TMEM117: variants seen among roughly 807,000 people sequenced by gnomAD.
TMEM117 encodes transmembrane protein 117.
A neutral mutation model predicts 52.4 loss-of-function variants in TMEM117; 27 were observed. The observed-to-expected ratio is 0.51, with a 90% CI of 0.38 to 0.71. TMEM117 has a LOEUF of 0.71. Among genes scored for constraint, TMEM117 ranks in the 30% least tolerant of loss-of-function variants. TMEM117 has a pLI of 0.00. For synonymous variants in TMEM117, 215 were observed against 206.3 expected (o/e 1.04, Z -0.36); for missense variants, 556 against 630.5 (o/e 0.88, Z 1.26).
chr12:44,371,190 TAGC>T (rs1276102280), intron 6 of TMEM117, among the ~76,000 whole-genome samples: 8 of 152,172 alleles, frequency 5.3e-5, no homozygotes, highest in African/African-American at 1.9e-4. Flanking sequence ...CTGCTAAGCA[TAGC>T]AAAGCTAAGG....
chr12:44,385,163 G>A (rs1446608177), intron 7 of TMEM117, among the ~76,000 whole-genome samples: 2 of 152,162 alleles, frequency 1.3e-5, no homozygotes, highest in Non-Finnish European at 2.9e-5. Flanking sequence ...TTTCCAGCCT[G>A]CAGCTTTGTT....
intron 5 of TMEM117, among the ~76,000 whole-genome samples, chr12:44,270,256 A>C (rs1376489413): frequency 2.0e-5 from 3 of 152,234 alleles, no homozygotes; most frequent in Admixed American, 2.0e-4. Context: ...CTCCTTACAC[A>C]GAAAGAGGTT....
At chr12:44,185,574 T>G (rs1250052040) in intron 4 of TMEM117, among the ~76,000 whole-genome samples, 1 of 152,186 alleles carries the variant, frequency 6.6e-6, no homozygotes, top group African/African-American at 2.4e-5. Flanking sequence ...TCTCATGAAC[T>G]CCTATTTATG....
intron 2 of TMEM117, among the ~76,000 whole-genome samples, chr12:43,886,957 C>T (rs1027999848): frequency 6.6e-6 from 1 of 152,196 alleles, no homozygotes; most frequent in African/African-American, 2.4e-5. Context: ...AAGCAATTCT[C>T]ATGCCTCAGC....
At chr12:44,236,174 A>G (rs1440024923) in intron 5 of TMEM117, among the ~76,000 whole-genome samples, 1 of 93,514 alleles carries the variant, frequency 1.1e-5, no homozygotes, top group African/African-American at 1.7e-4. Flanking sequence ...TTTCTAGCAT[A>G]TATATATATA....
intron 2 of TMEM117, among the ~76,000 whole-genome samples, chr12:43,858,816 G>C (rs1943441280): frequency 6.6e-6 from 1 of 152,100 alleles, no homozygotes; most frequent in Non-Finnish European, 1.5e-5. Context: ...TTTGAACTGT[G>C]CTGTTTTTCA....
the TMEM117 span, among the ~76,000 whole-genome samples, chr12:43,823,646 TGG>T: frequency 2.0e-5 from 3 of 152,106 alleles, no homozygotes; most frequent in Admixed American, 2.0e-4. Flanking sequence ...CCCAAGTAGC[TGG>T]GACTACAGGC....
intron 6 of TMEM117, among the ~76,000 whole-genome samples, chr12:44,303,026 A>G (rs180837682): frequency 5.1e-4 from 78 of 152,170 alleles, no homozygotes; most frequent in East Asian, 2.3e-3. Flanking sequence ...AATTCCACTT[A>G]TACTATAGAA....
chr12:44,388,002 T>C, intron 7 of TMEM117, 24 bp from the exon 8 acceptor site: 3 of 1,584,258 alleles, frequency 1.9e-6, no homozygotes, highest in Non-Finnish European at 2.6e-6. Flanking sequence ...CTTTGATTAA[T>C]GCAGTATTTC....
At chr12:43,862,993 C>A (rs1331206388) in intron 2 of TMEM117, among the ~76,000 whole-genome samples, 2 of 149,384 alleles carry the variant, frequency 1.3e-5, no homozygotes, top group Non-Finnish European at 3.0e-5. Flanking sequence ...AACAAAAAAA[C>A]CAAGAAAAAC....
At chr12:44,035,445 C>T (rs757596131) in intron 3 of TMEM117, among the ~76,000 whole-genome samples, 44 of 152,254 alleles carry the variant, frequency 2.9e-4, no homozygotes, top group Admixed American at 7.8e-4. Flanking sequence ...GCTCAAAAAA[C>T]GTATGTTCTA....
chr12:44,194,013 A>G (rs1211874915), intron 4 of TMEM117, among the ~76,000 whole-genome samples: 1 of 152,230 alleles, frequency 6.6e-6, no homozygotes, highest in Non-Finnish European at 1.5e-5. Context: ...TATTAGAATT[A>G]TCTATATAGA....
intron 6 of TMEM117, among the ~76,000 whole-genome samples, chr12:44,371,278 A>T (rs1951860543): frequency 6.6e-6 from 1 of 152,212 alleles, no homozygotes; most frequent in Non-Finnish European, 1.5e-5. Flanking sequence ...GTTATGAAAT[A>T]CGGGGCATAG....
At chr12:44,072,284 AT>A (rs1284577520) in intron 3 of TMEM117, among the ~76,000 whole-genome samples, 1 of 152,136 alleles carries the variant, frequency 6.6e-6, no homozygotes, top group Non-Finnish European at 1.5e-5. Context: ...TGGATCTGGA[AT>A]TTTTTTATTT....
intron 6 of TMEM117, among the ~76,000 whole-genome samples, chr12:44,335,266 T>G (rs1433872271): frequency 6.6e-6 from 1 of 152,064 alleles, no homozygotes; most frequent in Non-Finnish European, 1.5e-5. Context: ...GAGACATTAG[T>G]AGCTTTTAGC....
intron 3 of TMEM117, among the ~76,000 whole-genome samples, chr12:43,996,642 C>A (rs199594123): frequency 6.9e-6 from 1 of 145,210 alleles, no homozygotes; most frequent in African/African-American, 2.5e-5. Flanking sequence ...GACTCCATCT[C>A]AATAAATAAA....
chr12:44,357,114 T>C (rs1374397779), intron 6 of TMEM117, among the ~76,000 whole-genome samples: 1 of 152,152 alleles, frequency 6.6e-6, no homozygotes, highest in Non-Finnish European at 1.5e-5. Context: ...AATTCTTTCA[T>C]AAAATGTCTT....
At chr12:43,990,743 G>C (rs558138968) in intron 3 of TMEM117, among the ~76,000 whole-genome samples, 1 of 152,190 alleles carries the variant, frequency 6.6e-6, no homozygotes, top group East Asian at 1.9e-4. Flanking sequence ...TTACAAATGA[G>C]GTACAGATGA....
chr12:44,196,522 A>G (rs1949423410), intron 4 of TMEM117, among the ~76,000 whole-genome samples: 1 of 152,216 alleles, frequency 6.6e-6, no homozygotes, highest in South Asian at 2.1e-4. Flanking sequence ...CGGATATATT[A>G]ACAAAACAAC....
Sources: allele counts gnomAD v4.1 joint callset (sites outside exome capture counted in the v4.1 genomes callset), GRCh38; gene constraint gnomAD v4.1.1; transcripts MANE v1.5; gene names NCBI Gene and HGNC (gene_info 2026-07-23, HGNC 2026-07-21).